The following FMN2 variants were observed in gnomAD, a reference collection of about 807,000 sequenced individuals.
FMN2 encodes the protein formin 2, also known as formin-2.
FMN2 carries 51 observed loss-of-function variants against 142.3 expected under a neutral mutation model. The ratio of observed to expected loss-of-function variants is 0.36; its 90% confidence interval spans 0.29 to 0.45. FMN2 has a LOEUF of 0.45. Among genes scored for constraint, FMN2 ranks in the 20% least tolerant of loss-of-function variants. The pLI, the probability that FMN2 is intolerant of heterozygous loss-of-function variation, is 1.00. For synonymous variants in FMN2, 882 were observed against 869.8 expected, an observed-to-expected ratio of 1.01 and a Z score of -0.25; for missense variants, 1,936 against 2,122.8, an observed-to-expected ratio of 0.91 and a Z score of 1.73.
chr1:240,454,556 A>C (rs1277671042), intron 16 of FMN2, among the ~76,000 whole-genome samples: 1 of 152,088 alleles, frequency 6.6e-6, no homozygotes, highest in Non-Finnish European at 1.5e-5. Flanking sequence ...GAAAAGAATA[A>C]ATATATATGG....
Position 240,092,895 on chromosome 1 carries a change from G to A in FMN2, c.786G>A (p.Glu262=). ...TGGGGCCGAGCGGCGGGGCTGGGGA[G>A]GCCCCGGGCAGTCCGGACACCGAGC... The part of the protein sequence containing the change: ...FLLGPSGGAG[E]APGSPDTEQA... The change falls in exon 1 of 18, where the codon GAG becomes GAA. Residue 262 remains glutamate (E), a synonymous_variant. Coordinates refer to ENST00000319653, the MANE Select transcript of FMN2 (RefSeq NM_020066.5). The A allele has an allele frequency of 6.6e-7, 1 of 1,507,154 alleles. No homozygotes were observed. The highest frequency in any genetic ancestry group is 8.8e-7 in the Non-Finnish European group (1 of 1,135,542). The allele number at this position is 1,507,154 out of a possible 1,614,324, so 93.4% of individuals were successfully genotyped here.
At chr1:240,315,201 G>T (rs1002192613) in intron 8 of FMN2, among the ~76,000 whole-genome samples, 4 of 152,106 alleles carry the variant, frequency 2.6e-5, no homozygotes, top group Non-Finnish European at 5.9e-5. Flanking sequence ...TTCAGGTTTG[G>T]CCTGTGTGGT....
intron 6 of FMN2, among the ~76,000 whole-genome samples, chr1:240,236,606 C>A (rs991133): frequency 6.6e-6 from 1 of 151,956 alleles, no homozygotes; most frequent in African/African-American, 2.4e-5. Context: ...GTTTTACTCA[C>A]GGCAGAAGGT....
At position 240,207,440 on chromosome 1, in the gene FMN2, GCCTCCCCCA is replaced by G; in HGVS notation, c.2637_2645del (p.Pro880_Pro882del). 1.2e-6 allele frequency: 2 copies of G among 1,613,666 alleles called. No individual in the cohort carries two copies. The highest frequency in any genetic ancestry group is 1.7e-6 in the Non-Finnish European group (2 of 1,179,828). ...GCTCCATGCCTGGCCTGGGCATGGT[GCCTCCCCCA>G]CCTCCCCCTCTCCCTGGCATGACAG... On this transcript the variant is annotated inframe_deletion, in exon 5 of 18. Transcript: ENST00000319653.
At chr1:240,310,618 T>A (rs2102986643) in intron 8 of FMN2, among the ~76,000 whole-genome samples, 1 of 152,346 alleles carries the variant, frequency 6.6e-6, no homozygotes, top group Non-Finnish European at 1.5e-5. Flanking sequence ...TTATTGACTG[T>A]CATTAAGTTC....
chr1:240,185,432 A>T (rs79813427), intron 3 of FMN2, among the ~76,000 whole-genome samples: 1 of 152,220 alleles, frequency 6.6e-6, no homozygotes, highest in Admixed American at 6.5e-5. Flanking sequence ...TAACACACAG[A>T]TTCAAACAAA....
chr1:240,346,163 A>G (rs997148830), intron 13 of FMN2, among the ~76,000 whole-genome samples: 5 of 152,246 alleles, frequency 3.3e-5, no homozygotes, highest in African/African-American at 9.6e-5. Flanking sequence ...AAGACCCCCA[A>G]TGAATGCCTC....
chr1:240,269,884 G>T (rs1668938841), intron 7 of FMN2, among the ~76,000 whole-genome samples: 1 of 151,744 alleles, frequency 6.6e-6, no homozygotes. Context: ...GTCGACTTTT[G>T]TATCCTGCAA....
chr1:240,365,489 C>T (rs1275815599), intron 14 of FMN2, among the ~76,000 whole-genome samples: 1 of 152,062 alleles, frequency 6.6e-6, no homozygotes, highest in African/African-American at 2.4e-5. Flanking sequence ...TAGATACACA[C>T]ATACATACAA....
At chr1:240,198,733 A>G (rs1380329070) in intron 4 of FMN2, among the ~76,000 whole-genome samples, 1 of 152,136 alleles carries the variant, frequency 6.6e-6, no homozygotes, top group African/African-American at 2.4e-5. Flanking sequence ...CTCTTTCCCT[A>G]TGGGATCATG....
At chr1:240,242,174 A>G (rs1200715421) in intron 6 of FMN2, among the ~76,000 whole-genome samples, 1 of 151,996 alleles carries the variant, frequency 6.6e-6, no homozygotes, top group Non-Finnish European at 1.5e-5. Flanking sequence ...CAACTGGAAC[A>G]CGTATGTCTT....
chr1:240,182,679 A>G (rs1572029958), intron 3 of FMN2, among the ~76,000 whole-genome samples: 1 of 152,208 alleles, frequency 6.6e-6, no homozygotes, highest in East Asian at 1.9e-4. Flanking sequence ...TGAAGCTGAG[A>G]TAAGACAGCC....
At chr1:240,401,716 C>A (rs866068177) in intron 15 of FMN2, among the ~76,000 whole-genome samples, 4 of 152,174 alleles carry the variant, frequency 2.6e-5, no homozygotes, top group Admixed American at 2.0e-4. Context: ...AACTGAACAG[C>A]CTTTTCTGTA....
At chr1:240,218,966 A>G (rs767756446) in intron 6 of FMN2, among the ~76,000 whole-genome samples, 1 of 152,182 alleles carries the variant, frequency 6.6e-6, no homozygotes, top group Non-Finnish European at 1.5e-5. Context: ...GACTTGGGAT[A>G]AAGGCTGTGT....
intron 16 of FMN2, among the ~76,000 whole-genome samples, chr1:240,456,743 A>C (rs1276746686): frequency 1.3e-5 from 2 of 152,224 alleles, no homozygotes; most frequent in Non-Finnish European, 2.9e-5. Context: ...GGCGTGAGCC[A>C]CTGCACCCGG....
At chr1:240,296,748 A>G (rs893020765) in intron 8 of FMN2, among the ~76,000 whole-genome samples, 4 of 151,848 alleles carry the variant, frequency 2.6e-5, no homozygotes, top group African/African-American at 9.7e-5. Context: ...AATATGTCTC[A>G]TGGTGCATTG....
At chr1:240,309,224 C>A (rs1474265670) in intron 8 of FMN2, among the ~76,000 whole-genome samples, 1 of 152,164 alleles carries the variant, frequency 6.6e-6, no homozygotes, top group Non-Finnish European at 1.5e-5. Flanking sequence ...GGGGTCCCCT[C>A]TCTAAGACTG....
In FMN2 at chr1:240,261,359, T is replaced by TC. The variant is rs1344724309; in HGVS notation, c.4153+3327_4153+3328insC. ...CCCTTCATTAACCAGTACTTTTTTT[T>TC]TTTTCATTCAGACATGCTGCTTCTC... On this transcript the variant is annotated intron_variant, in intron 7 of 17. Transcript: ENST00000319653. Among the ~76,000 whole-genome samples the TC allele has an allele frequency of 2.6e-5, 4 of 152,048 alleles. No individual in the cohort carries two copies. The East Asian group carries it at 5.8e-4, about 22-fold the overall frequency.
intron 1 of FMN2, among the ~76,000 whole-genome samples, chr1:240,110,602 G>C (rs1344025844): frequency 6.6e-6 from 1 of 152,124 alleles, no homozygotes; most frequent in Non-Finnish European, 1.5e-5. Context: ...GGTAAGAGGA[G>C]TATTTATAGC....
Sources: allele counts gnomAD v4.1 joint callset (sites outside exome capture counted in the v4.1 genomes callset), GRCh38; gene constraint gnomAD v4.1.1; transcripts MANE v1.5; gene names NCBI Gene and HGNC (gene_info 2026-07-23, HGNC 2026-07-21).